Variants in ZFHX3 observed in about 807,000 individuals in gnomAD.
ZFHX3 encodes zinc finger homeobox 3.
In ZFHX3, 42 loss-of-function variants were observed where a neutral mutation model predicts 279.1. The ratio of observed to expected loss-of-function variants is 0.15; its 90% CI spans 0.12 to 0.19. The LOEUF (loss-of-function observed/expected upper bound fraction) is 0.19. ZFHX3 is among the 10% of genes least tolerant of loss of function. ZFHX3 has a pLI of 1.00. For missense variants in ZFHX3, 4,981 were observed against 4,754.0 expected (o/e 1.05, Z -1.40); for synonymous variants, 2,293 against 1,957.8 (o/e 1.17, Z -4.52).
intron 4 of ZFHX3, among the ~76,000 whole-genome samples, chr16:72,880,089 T>C (rs1483250583): frequency 1.3e-5 from 2 of 152,150 alleles, no homozygotes; most frequent in Non-Finnish European, 2.9e-5. Flanking sequence ...GAGAACCGTG[T>C]GCTGCGAGCA....
intron 4 of ZFHX3, among the ~76,000 whole-genome samples, chr16:73,316,269 G>A (rs553126167): frequency 6.6e-6 from 1 of 152,186 alleles, no homozygotes; most frequent in Admixed American, 6.5e-5. Flanking sequence ...TAGAGAAAAA[G>A]CAGGGTCTCT....
At chr16:73,345,813 A>G (rs1295293252) in intron 3 of ZFHX3, among the ~76,000 whole-genome samples, 1 of 152,110 alleles carries the variant, frequency 6.6e-6, no homozygotes, top group African/African-American at 2.4e-5. Context: ...TCTGTGAGTG[A>G]GAAGTCCTCT....
At chr16:73,435,164 G>A (rs1157603155) in intron 3 of ZFHX3, among the ~76,000 whole-genome samples, 6 of 152,128 alleles carry the variant, frequency 3.9e-5, no homozygotes, top group Non-Finnish European at 5.9e-5. Context: ...TGGCACAAAG[G>A]AGGTAAAGTA....
intron 1 of ZFHX3, among the ~76,000 whole-genome samples, chr16:73,778,722 A>AT (rs1959347915): frequency 6.6e-6 from 1 of 152,186 alleles, no homozygotes; most frequent in South Asian, 2.1e-4. Flanking sequence ...GCCTTCCAAG[A>AT]GCTTACAGTT....
intron 4 of ZFHX3, among the ~76,000 whole-genome samples, chr16:73,259,491 C>G (rs909767581): frequency 6.6e-6 from 1 of 152,098 alleles, no homozygotes; most frequent in Non-Finnish European, 1.5e-5. Context: ...GAGAAAATAC[C>G]TTTTTCGATT....
rs144675512 is a variant in ZFHX3, at chr16:73,865,979, C to T, written c.-1608+25672G>A. Among the ~76,000 whole-genome samples the T allele has an allele frequency of 6.8e-3, 1,027 of 151,928 alleles. 10 individuals carry two copies. The highest frequency in any genetic ancestry group is 0.023 in the African/African-American group (962 of 41,422). Reference sequence around the variant, plus strand: ...CAGCCTGGGGGACAGAGCAAGACTCCGTCTCAAACAAAACAAAACAAAACA... The same window carrying T: ...CAGCCTGGGGGACAGAGCAAGACTCTGTCTCAAACAAAACAAAACAAAACA... On this transcript the variant is annotated intron_variant, in intron 1 of 17. Transcript: ENST00000641206.
intron 1 of ZFHX3, among the ~76,000 whole-genome samples, chr16:73,683,341 T>C (rs1312681912): frequency 6.6e-6 from 1 of 152,208 alleles, no homozygotes; most frequent in African/African-American, 2.4e-5. Context: ...GGTTGGTAAC[T>C]ACTGATAAAT....
chr16:73,802,439 CA>C (rs369490295), intron 1 of ZFHX3, among the ~76,000 whole-genome samples: 16 of 152,290 alleles, frequency 1.1e-4, no homozygotes, highest in Middle Eastern at 3.4e-3. Context: ...CCATGACTTT[CA>C]AAAGTCTCAT....
chr16:73,526,171 T>C (rs2143716930), intron 2 of ZFHX3, among the ~76,000 whole-genome samples: 1 of 152,372 alleles, frequency 6.6e-6, no homozygotes, highest in African/African-American at 2.4e-5. Flanking sequence ...AGATATAAAT[T>C]GTCAGCAATG....
intron 4 of ZFHX3, among the ~76,000 whole-genome samples, chr16:72,837,950 A>AGAATTCT (rs2037239121): frequency 6.6e-6 from 1 of 152,198 alleles, no homozygotes; most frequent in Admixed American, 6.5e-5. Context: ...TTTTACCACA[A>AGAATTCT]GAATTCTTTT....
chr16:73,519,591 G>C (rs954471149), intron 2 of ZFHX3, among the ~76,000 whole-genome samples: 4 of 152,052 alleles, frequency 2.6e-5, no homozygotes, highest in Non-Finnish European at 5.9e-5. Context: ...GGAGACCACC[G>C]TTCTCTGTCC....
chr16:72,846,642 G>A (rs1257140933), intron 4 of ZFHX3, among the ~76,000 whole-genome samples: 2 of 152,276 alleles, frequency 1.3e-5, no homozygotes, highest in African/African-American at 4.8e-5. Flanking sequence ...GCAGAGAACT[G>A]TTTGTGTGGG....
At chr16:73,690,372 C>G (rs958930161) in intron 1 of ZFHX3, among the ~76,000 whole-genome samples, 8 of 152,190 alleles carry the variant, frequency 5.3e-5, no homozygotes, top group Non-Finnish European at 1.2e-4. Flanking sequence ...CTGCTTGAAG[C>G]AGCTAGGTAA....
In ZFHX3 at chr16:73,426,915, G is replaced by A. The variant is rs554757296; in HGVS notation, c.-1291+29088C>T. The stretch of plus-strand genomic sequence containing the variant: ...TGCCCACATGCATAAAGATGTCAAC[G>A]TGTTGATTATTCTGATTAGACTTTT... On this transcript the variant is annotated intron_variant, in intron 3 of 17. Coordinates refer to the ZFHX3 transcript ENST00000641206. Among the ~76,000 whole-genome samples, 9 of 152,246 alleles carry A rather than the reference G, an allele frequency of 5.9e-5. No homozygotes were observed. In the East Asian group the frequency reaches 7.7e-4, roughly 13 times the overall value.
chr16:73,669,847 T>A (rs1476243250), intron 2 of ZFHX3, among the ~76,000 whole-genome samples: 1 of 152,232 alleles, frequency 6.6e-6, no homozygotes, highest in African/African-American at 2.4e-5. Flanking sequence ...TGGGGTATTT[T>A]TTTTAAATCT....
intron 1 of ZFHX3, among the ~76,000 whole-genome samples, chr16:73,032,756 C>T (rs114578189): frequency 2.0e-5 from 3 of 152,164 alleles, no homozygotes; most frequent in Non-Finnish European, 2.9e-5. Context: ...CCTCCTCCCC[C>T]CAGCAGGTTA....
chr16:73,616,083 A>G (rs1311277516), intron 2 of ZFHX3, among the ~76,000 whole-genome samples: 1 of 151,974 alleles, frequency 6.6e-6, no homozygotes, highest in Non-Finnish European at 1.5e-5. Flanking sequence ...TTTTGATAAG[A>G]CAGTCCCACT....
rs2013559537 is a variant in ZFHX3, at chr16:73,253,137, T to C, written c.-1104+3910A>G. On this transcript the variant is annotated intron_variant, in intron 5 of 17. Transcript: ENST00000641206. ...CACCCTCAACCCCATGGGACTCCTC[T>C]AACAGGCAACGTTTGCTCAAGGACT... is the stretch of plus-strand genomic sequence containing the variant. Among the ~76,000 whole-genome samples, 4 of 152,270 alleles carry C rather than the reference T, an allele frequency of 2.6e-5. No homozygotes were observed. In the South Asian group the frequency reaches 8.3e-4, roughly 32 times the overall value.
At chr16:73,349,405 T>C (rs2016182271) in intron 3 of ZFHX3, among the ~76,000 whole-genome samples, 1 of 152,318 alleles carries the variant, frequency 6.6e-6, no homozygotes, top group Non-Finnish European at 1.5e-5. Context: ...TGAGATCCCA[T>C]ACAGTGTTTA....
Sources: gnomAD v4.1 joint callset for allele counts (sites outside exome capture counted in the v4.1 genomes callset) on GRCh38, gnomAD v4.1.1 for gene constraint, MANE v1.5 for transcripts, NCBI Gene and HGNC (gene_info 2026-07-23, HGNC 2026-07-21) for gene names.